The following MAP4K4 variants were observed in gnomAD, a reference collection of about 807,000 sequenced individuals.
MAP4K4 encodes the protein mitogen-activated protein kinase kinase kinase kinase 4.
MAP4K4 carries 38 observed loss-of-function variants against 189.6 expected under a neutral mutation model. The observed-to-expected ratio is 0.20, with a 90% confidence interval of 0.15 to 0.26. MAP4K4 has a LOEUF of 0.26. Among genes scored for constraint, MAP4K4 ranks in the 10% least tolerant of loss-of-function variants. The pLI is 1.00. For missense variants in MAP4K4, 1,054 were observed against 1,726.9 expected (o/e 0.61, Z 6.91); for synonymous variants, 610 against 624.3 (o/e 0.98, Z 0.34).
At chr2:101,711,791 A>G (rs2149315740) in intron 2 of MAP4K4, among the ~76,000 whole-genome samples, 1 of 152,174 alleles carries the variant, frequency 6.6e-6, no homozygotes, top group East Asian at 1.9e-4. Context: ...ATTGTATTAG[A>G]CGTTTCATTA....
chr2:101,872,116 A>G (rs1256092080), intron 24 of MAP4K4, among the ~76,000 whole-genome samples: 4 of 151,974 alleles, frequency 2.6e-5, no homozygotes, highest in Admixed American at 2.0e-4. Context: ...TATCTGGACA[A>G]ACTTATTATC....
chr2:101,723,907 CAG>C (rs1254908529), intron 2 of MAP4K4, among the ~76,000 whole-genome samples: 1 of 152,168 alleles, frequency 6.6e-6, no homozygotes, highest in Admixed American at 6.5e-5. Flanking sequence ...CTCCTAGGGA[CAG>C]GGGCTCCTGG....
rs185466251 is a variant in MAP4K4 at position 101,760,944 on chromosome 2, C to T, written c.124-29776C>T. ...CTTGAATCTGGGAGGCGGAGGTTGC[C>T]GTGAACTGAGATCGCGCCATTGCAC... On this transcript the variant is annotated intron_variant, in intron 2 of 32. Transcript: ENST00000324219. Among the ~76,000 whole-genome samples the T allele has an allele frequency of 7.2e-5, 11 of 152,056 alleles. No homozygotes were observed. In the South Asian group the frequency reaches 1.0e-3, roughly 14 times the overall value.
At chr2:101,761,096 G>A (rs1270251651) in intron 2 of MAP4K4, among the ~76,000 whole-genome samples, 1 of 152,146 alleles carries the variant, frequency 6.6e-6, no homozygotes, top group Non-Finnish European at 1.5e-5. Flanking sequence ...AAAAAAATGT[G>A]GAATTATACT....
chr2:101,818,122 G>C (rs1392119930), intron 3 of MAP4K4, among the ~76,000 whole-genome samples: 2 of 152,162 alleles, frequency 1.3e-5, no homozygotes, highest in Non-Finnish European at 2.9e-5. Context: ...GATACTCTTA[G>C]ATGTAGTGGG....
At chr2:101,776,532 T>G (rs1270500065) in intron 2 of MAP4K4, among the ~76,000 whole-genome samples, 1 of 151,600 alleles carries the variant, frequency 6.6e-6, no homozygotes, top group African/African-American at 2.4e-5. Flanking sequence ...GCTTTCTAAT[T>G]TTTGGAATGT....
chr2:101,811,370 C>CAAGAAAA (rs2095412842), intron 3 of MAP4K4, among the ~76,000 whole-genome samples: 3 of 68,902 alleles, frequency 4.4e-5, no homozygotes, highest in Non-Finnish European at 7.7e-5. Context: ...GACTGCGTCT[C>CAAGAAAA]AAAAAAAAAA....
At chr2:101,785,365 G>C (rs1023326167) in intron 2 of MAP4K4, among the ~76,000 whole-genome samples, 2 of 152,192 alleles carry the variant, frequency 1.3e-5, no homozygotes, top group African/African-American at 4.8e-5. Flanking sequence ...GCTCTGTGAC[G>C]GAAGGTTGGA....
chr2:101,792,621 C>CCTCCTT (rs1357798431), intron 3 of MAP4K4, among the ~76,000 whole-genome samples: 6 of 149,662 alleles, frequency 4.0e-5, no homozygotes, highest in Admixed American at 6.6e-5. Flanking sequence ...TCCTCCTCCT[C>CCTCCTT]CTCCTCCTTC....
At chr2:101,746,859 AT>A (rs1208208340) in intron 2 of MAP4K4, among the ~76,000 whole-genome samples, 5 of 151,944 alleles carry the variant, frequency 3.3e-5, no homozygotes, top group Non-Finnish European at 4.4e-5. Flanking sequence ...GAAACCTGTG[AT>A]TTCTAGCCCA....
chr2:101,760,536 G>GTATATA lies in MAP4K4; in HGVS notation c.124-30183_124-30182insATATAT, dbSNP rs1263305070. Among the ~76,000 whole-genome samples the GTATATA allele has an allele frequency of 1.4e-3, 193 of 142,726 alleles. 1 individual carries two copies. The highest frequency in any genetic ancestry group is 5.2e-3 in the African/African-American group (182 of 35,100). The allele number at this position is 142,726 out of a possible 152,430, so 93.6% of individuals were successfully genotyped here. A position where few individuals can be genotyped will look rare whatever the true frequency, so the allele number is the denominator to read the frequency against. On this transcript the variant is annotated intron_variant, in intron 2 of 32. Transcript: ENST00000324219. ...TATATATATATATGTATATATGTGT[G>GTATATA]TGTGTGTGTGTGTGTGTGTGTGTAT...
intron 2 of MAP4K4, among the ~76,000 whole-genome samples, chr2:101,704,654 G>A (rs1400036563): frequency 7.3e-6 from 1 of 137,106 alleles, no homozygotes; most frequent in Non-Finnish European, 1.5e-5. Flanking sequence ...CCCACTGCAA[G>A]CTCTGCCTCC....
intron 6 of MAP4K4, 116 bp downstream of exon 6, chr2:101,829,710 GTTC>G (rs1407761379): frequency 1.1e-5 from 8 of 706,814 alleles, no homozygotes; most frequent in South Asian, 3.4e-5. Context: ...TTCTATTTCT[GTTC>G]TTCTTAAGAA....
At chr2:101,840,028 AT>A (rs755772383) in intron 10 of MAP4K4, 34 bp downstream of exon 10, 8 of 1,556,612 alleles carry the variant, frequency 5.1e-6, no homozygotes, top group Non-Finnish European at 6.9e-6. Context: ...ATCCTTTAAA[AT>A]TTTTATGTTT....
exon 1 of MAP4K4, chr2:101,698,077 G>C: frequency 7.6e-7 from 1 of 1,322,394 alleles, no homozygotes; most frequent in Non-Finnish European, 1.0e-6. Flanking sequence ...GGCAAAAAGG[G>C]AAAATGGCGA....
At chr2:101,820,408 A>T (rs2095976786) in intron 3 of MAP4K4, among the ~76,000 whole-genome samples, 1 of 152,214 alleles carries the variant, frequency 6.6e-6, no homozygotes, top group African/African-American at 2.4e-5. Context: ...GAACAAAATT[A>T]AAATAAATAT....
intron 3 of MAP4K4, among the ~76,000 whole-genome samples, chr2:101,795,254 C>T (rs909813856): frequency 6.6e-6 from 1 of 152,218 alleles, no homozygotes; most frequent in Non-Finnish European, 1.5e-5. Flanking sequence ...AACCTTTCAA[C>T]TAATGGCTTT....
intron 2 of MAP4K4, among the ~76,000 whole-genome samples, chr2:101,749,358 T>A (rs2067359576): frequency 6.6e-6 from 1 of 151,626 alleles, no homozygotes; most frequent in Non-Finnish European, 1.5e-5. Context: ...TAACGCTGCA[T>A]ATCTACAACC....
intron 15 of MAP4K4, 89 bp from the exon 16 acceptor site, chr2:101,860,733 ACCT>A: frequency 9.0e-7 from 1 of 1,108,550 alleles, no homozygotes; most frequent in Non-Finnish European, 1.3e-6. Flanking sequence ...CAGAAAACTT[ACCT>A]TTAGATTTCT....
Sources: allele counts gnomAD v4.1 joint callset (sites outside exome capture counted in the v4.1 genomes callset), GRCh38; gene constraint gnomAD v4.1.1; transcripts MANE v1.5; gene names NCBI Gene and HGNC (gene_info 2026-07-23, HGNC 2026-07-21).